The following GRIK2 variants were observed in gnomAD, a reference collection of about 807,000 sequenced individuals.
GRIK2 encodes glutamate ionotropic receptor kainate type subunit 2.
A neutral mutation model predicts 100.3 loss-of-function variants in GRIK2; 32 were observed. The ratio of observed to expected loss-of-function variants is 0.32; its 90% CI spans 0.24 to 0.43. The LOEUF (loss-of-function observed/expected upper bound fraction) is 0.43, where lower values mean the gene tolerates loss of function less well. Among genes scored for constraint, GRIK2 ranks in the 20% least tolerant of loss-of-function variants. The probability of loss-of-function intolerance (pLI) is 1.00; values close to 1 mark genes in which losing one functional copy is unlikely to be tolerated. For missense variants in GRIK2, 843 were observed against 1,114.9 expected (o/e 0.76, Z 3.47); for synonymous variants, 417 against 389.4 (o/e 1.07, Z -0.83).
intron 2 of GRIK2, among the ~76,000 whole-genome samples, chr6:101,594,058 T>A (rs1048089597): frequency 6.6e-6 from 1 of 151,842 alleles, no homozygotes; most frequent in African/African-American, 2.4e-5. Flanking sequence ...AATTCACAAT[T>A]CCTGATAATC....
chr6:101,802,355 A>C lies in GRIK2; in HGVS notation c.1120A>C (p.Arg374=). The change falls in exon 9 of 17, where the codon AGA becomes CGA. Residue 374 remains arginine (R), a synonymous_variant. Coordinates refer to ENST00000369134, the MANE Select transcript of GRIK2 (RefSeq NM_021956.5). ...KEAHWEGLTG[R]ITFNKTNGLR... ...GGCACATTGGGAAGGCCTCACAGGC[A>C]GAATAACTTTCAACAAAACCAATGG... 1.3e-6 allele frequency: 2 copies of C among 1,578,616 alleles called. No homozygotes were observed. Among genetic ancestry groups the C allele is most frequent in the Non-Finnish European group, 1.7e-6 (2 of 1,156,092 alleles).
chr6:101,906,839 G>A (rs950829186), intron 12 of GRIK2, among the ~76,000 whole-genome samples: 9 of 151,712 alleles, frequency 5.9e-5, no homozygotes, highest in Non-Finnish European at 1.3e-4. Context: ...ATACTGGTCC[G>A]CACTAGAGTG....
intron 12 of GRIK2, among the ~76,000 whole-genome samples, chr6:101,898,012 GAAA>G (rs1241498359): frequency 6.6e-6 from 1 of 151,736 alleles, no homozygotes; most frequent in East Asian, 1.9e-4. Context: ...GAAAAAAGAA[GAAA>G]ACTAATACGT....
intron 2 of GRIK2, among the ~76,000 whole-genome samples, chr6:101,418,476 A>G (rs1427493489): frequency 1.3e-5 from 2 of 152,146 alleles, no homozygotes; most frequent in Non-Finnish European, 2.9e-5. Flanking sequence ...ATGAACCAGA[A>G]TACTGCTCTA....
intron 2 of GRIK2, chr6:101,430,488 G>C: frequency 4.8e-6 from 1 of 206,260 alleles, no homozygotes; most frequent in Non-Finnish European, 1.0e-5. Flanking sequence ...GAGTATTTGA[G>C]CTCAGTGGGG....
At chr6:101,963,917 G>GA (rs1273824550) in intron 14 of GRIK2, among the ~76,000 whole-genome samples, 2 of 151,902 alleles carry the variant, frequency 1.3e-5, no homozygotes, top group African/African-American at 4.8e-5. Flanking sequence ...CTTTTGGGCA[G>GA]AACTTCAGAA....
chr6:101,518,189 A>G (rs1184223070), intron 2 of GRIK2, among the ~76,000 whole-genome samples: 1 of 152,148 alleles, frequency 6.6e-6, no homozygotes, highest in Admixed American at 6.6e-5. Flanking sequence ...ATAAAGTTAA[A>G]AAAAAGTGCT....
rs1402876014 is a variant in GRIK2 at position 101,889,697 on chromosome 6, G to A, written c.1582G>A (p.Asp528Asn). 6.2e-7 allele frequency: 1 copy of A among 1,610,672 alleles called. No individual in the cohort carries two copies. Among genetic ancestry groups the A allele is most frequent in the Non-Finnish European group, 8.5e-7 (1 of 1,179,250 alleles). ...AITYVREKVI[D>N]FSKPFMTLGI... is the part of the protein sequence containing the mutation. ...TACCTATGTTCGAGAGAAGGTCATC[G>A]ACTTTTCCAAGCCCTTTATGACACT... The change falls in exon 12 of 17, where the codon GAC (aspartate) becomes AAC (asparagine). Residue 528 changes from aspartate (D) to asparagine (N), a missense_variant. By Grantham distance (23) the Asp-to-Asn change is conservative. Coordinates refer to ENST00000369134, the MANE Select transcript of GRIK2 (RefSeq NM_021956.5).
At chr6:101,998,134 C>G (rs1186278717) in intron 14 of GRIK2, among the ~76,000 whole-genome samples, 1 of 152,102 alleles carries the variant, frequency 6.6e-6, no homozygotes. Flanking sequence ...TAATCATAGG[C>G]AACTACTGAT....
intron 2 of GRIK2, among the ~76,000 whole-genome samples, chr6:101,590,995 T>C (rs1778614272): frequency 6.6e-6 from 1 of 152,024 alleles, no homozygotes; most frequent in Non-Finnish European, 1.5e-5. Flanking sequence ...AAATAAAATA[T>C]CATCCTTTTC....
chr6:102,063,135 C>A (rs1322509995), intron 16 of GRIK2, among the ~76,000 whole-genome samples: 1 of 150,306 alleles, frequency 6.7e-6, no homozygotes, highest in African/African-American at 2.4e-5. Flanking sequence ...ATATATTAGA[C>A]CACTGAGGTA....
At chr6:101,822,658 T>A (rs1214230457) in intron 10 of GRIK2, among the ~76,000 whole-genome samples, 1 of 152,178 alleles carries the variant, frequency 6.6e-6, no homozygotes, top group Non-Finnish European at 1.5e-5. Flanking sequence ...ACACTATCCA[T>A]GGATTTATTC....
intron 14 of GRIK2, among the ~76,000 whole-genome samples, chr6:101,954,765 G>T (rs1333068790): frequency 6.6e-6 from 1 of 152,092 alleles, no homozygotes; most frequent in African/African-American, 2.4e-5. Context: ...AATGAGAAAG[G>T]TGTACACTGT....
intron 14 of GRIK2, among the ~76,000 whole-genome samples, chr6:101,948,068 C>G (rs941807797): frequency 6.6e-6 from 1 of 152,054 alleles, no homozygotes; most frequent in African/African-American, 2.4e-5. Context: ...TGAATTTACA[C>G]TTATTTTATT....
intron 10 of GRIK2, among the ~76,000 whole-genome samples, chr6:101,842,940 C>T (rs1783602520): frequency 1.3e-5 from 2 of 152,126 alleles, no homozygotes. Flanking sequence ...ACTGGAATCT[C>T]CTTTCTAACA....
intron 2 of GRIK2, among the ~76,000 whole-genome samples, chr6:101,515,814 T>A (rs953367080): frequency 2.0e-5 from 3 of 152,194 alleles, no homozygotes; most frequent in Non-Finnish European, 4.4e-5. Context: ...TTATGGATAT[T>A]AGTCCTTTAT....
intron 10 of GRIK2, among the ~76,000 whole-genome samples, chr6:101,842,181 T>C (rs1343055175): frequency 1.3e-5 from 2 of 152,234 alleles, no homozygotes; most frequent in African/African-American, 2.4e-5. Context: ...CGTTGCTATT[T>C]CCCCCCGGAC....
intron 7 of GRIK2, among the ~76,000 whole-genome samples, chr6:101,775,554 A>G (rs942751964): frequency 1.1e-4 from 15 of 131,336 alleles, no homozygotes; most frequent in African/African-American, 2.6e-4. Context: ...TGTGTGAGAT[A>G]TATATATACA....
At chr6:101,974,409 C>T (rs1162166290) in intron 14 of GRIK2, among the ~76,000 whole-genome samples, 1 of 151,988 alleles carries the variant, frequency 6.6e-6, no homozygotes, top group African/African-American at 2.4e-5. Flanking sequence ...ATGTTGAATG[C>T]TAGCTAAAAA....
Sources: gnomAD v4.1 joint callset for allele counts (sites outside exome capture counted in the v4.1 genomes callset) on GRCh38, gnomAD v4.1.1 for gene constraint, MANE v1.5 for transcripts, NCBI Gene and HGNC (gene_info 2026-07-23, HGNC 2026-07-21) for gene names.